PYHIN1: variants seen among roughly 807,000 people sequenced by gnomAD.
PYHIN1 encodes the protein pyrin and HIN domain-containing protein 1.
Under a neutral mutation model 43.7 loss-of-function variants are expected in PYHIN1, and 32 were observed. That is an observed-to-expected ratio of 0.73 (90% CI 0.55 to 0.98). PYHIN1 has a LOEUF of 0.98. Ranked by LOEUF, PYHIN1 falls within the 50% of genes least tolerant of loss-of-function variation. The pLI is 0.00. For synonymous variants in PYHIN1, 205 were observed against 203.1 expected, an observed-to-expected ratio of 1.01 and a Z score of -0.08; for missense variants, 588 against 589.5, an observed-to-expected ratio of 1.00 and a Z score of 0.03.
At chr1:158,990,470 ATC>A in the PYHIN1 span, among the ~76,000 whole-genome samples, 1 of 152,078 alleles carries the variant, frequency 6.6e-6, no homozygotes, top group Non-Finnish European at 1.5e-5. Context: ...AGGTGGTTAA[ATC>A]TCTCTGATTA....
At chr1:158,971,429 T>C (rs1633292) in intron 7 of PYHIN1, among the ~76,000 whole-genome samples, 48,691 of 151,452 alleles carry the variant, frequency 0.32, 8,208 homozygotes, top group South Asian at 0.49. Context: ...TAACAAGATA[T>C]ATATATATAT....
chr1:158,945,221 A>G (rs1433466026), intron 7 of PYHIN1, 179 bp downstream of exon 7: 10 of 550,522 alleles, frequency 1.8e-5, no homozygotes, highest in African/African-American at 5.8e-5. Context: ...AGTCTTTGCT[A>G]TCTAAAAGAT....
At chr1:158,959,009 C>A (rs896054945) in intron 7 of PYHIN1, among the ~76,000 whole-genome samples, 3 of 151,784 alleles carry the variant, frequency 2.0e-5, no homozygotes, top group Middle Eastern at 3.4e-3. Flanking sequence ...CTGGTCTGAA[C>A]AATCCCCACC....
intron 7 of PYHIN1, among the ~76,000 whole-genome samples, chr1:158,965,792 A>T (rs1650597264): frequency 6.6e-6 from 1 of 152,180 alleles, no homozygotes; most frequent in African/African-American, 2.4e-5. Flanking sequence ...AATTTAAAAG[A>T]TCTCAAATTA....
chr1:158,942,672 T>G (rs1648991254), intron 5 of PYHIN1, among the ~76,000 whole-genome samples: 1 of 152,216 alleles, frequency 6.6e-6, no homozygotes, highest in Non-Finnish European at 1.5e-5. Flanking sequence ...CTATCTATTA[T>G]GAGTCATAAC....
At position 158,936,935 on chromosome 1, in the gene PYHIN1, G is replaced by T; in HGVS notation, c.25G>T (p.Val9Phe). The T allele has an allele frequency of 6.3e-7, 1 of 1,586,722 alleles. No homozygotes were observed. Among genetic ancestry groups the T allele is most frequent in the Non-Finnish European group, 8.5e-7 (1 of 1,169,624 alleles). ...GATGGCAAATAACTACAAGAAAATT[G>T]TTCTACTGAAAGGATTAGAGGTCAT... MANNYKKI[V>F]LLKGLEVIND... The change falls in exon 2 of 9, where the codon GTT becomes TTT. Residue 9 changes from valine (V) to phenylalanine (F), a missense_variant. Transcript: ENST00000368140.
intron 7 of PYHIN1, among the ~76,000 whole-genome samples, chr1:158,959,647 T>C (rs1209348810): frequency 6.6e-6 from 1 of 152,198 alleles, no homozygotes; most frequent in African/African-American, 2.4e-5. Context: ...TTACCACAGG[T>C]ACCCACGTTT....
chr1:158,950,025 T>G (rs2101676899), intron 7 of PYHIN1, among the ~76,000 whole-genome samples: 1 of 152,280 alleles, frequency 6.6e-6, no homozygotes, highest in South Asian at 2.1e-4. Context: ...ATCTGGCACC[T>G]TAGTCCAATG....
chr1:158,951,259 C>T (rs1042660659), intron 7 of PYHIN1, among the ~76,000 whole-genome samples: 3 of 152,132 alleles, frequency 2.0e-5, no homozygotes, highest in Admixed American at 6.5e-5. Context: ...ACCTGAATGT[C>T]TGCTTGTTCA....
chr1:158,934,452 G>A (rs1648382929), intron 1 of PYHIN1, among the ~76,000 whole-genome samples: 1 of 152,000 alleles, frequency 6.6e-6, no homozygotes, highest in African/African-American at 2.4e-5. Context: ...TAGATTTGTT[G>A]TTGAGAATCA....
intron 5 of PYHIN1, 55 bp from the exon 6 acceptor site, chr1:158,943,735 A>G (rs856082): frequency 0.98 from 1,318,501 of 1,339,138 alleles, 651,066 homozygotes; most frequent in East Asian, 1. Flanking sequence ...AGACTTTCCT[A>G]TATGCACGGT....
chr1:158,949,896 G>A (rs915342933), intron 7 of PYHIN1, among the ~76,000 whole-genome samples: 1 of 152,232 alleles, frequency 6.6e-6, no homozygotes, highest in African/African-American at 2.4e-5. Context: ...AGCTAAGACT[G>A]TTAAGGCATT....
At chr1:158,947,602 A>G (rs856087) in intron 7 of PYHIN1, among the ~76,000 whole-genome samples, 141,568 of 152,290 alleles carry the variant, frequency 0.93, 66,630 homozygotes, top group East Asian at 1. Flanking sequence ...GATGAATAAC[A>G]TACACTGACA....
At chr1:158,953,663 GA>G (rs1342786826) in intron 7 of PYHIN1, among the ~76,000 whole-genome samples, 7 of 152,166 alleles carry the variant, frequency 4.6e-5, no homozygotes, top group African/African-American at 1.7e-4. Context: ...AAACAGAACA[GA>G]AAAACTGGAA....
intron 7 of PYHIN1, among the ~76,000 whole-genome samples, chr1:158,953,133 G>A (rs1287344817): frequency 6.6e-6 from 1 of 152,172 alleles, no homozygotes; most frequent in African/African-American, 2.4e-5. Flanking sequence ...TGCTAGCACA[G>A]CAGTCTGAGA....
chr1:158,965,403 G>A (rs186013425), intron 7 of PYHIN1, among the ~76,000 whole-genome samples: 6 of 152,206 alleles, frequency 3.9e-5, no homozygotes, highest in Non-Finnish European at 8.8e-5. Flanking sequence ...GGACCTAATG[G>A]ACATTTATGG....
chr1:158,954,593 T>C (rs1206079761), intron 7 of PYHIN1, among the ~76,000 whole-genome samples: 3 of 151,248 alleles, frequency 2.0e-5, no homozygotes, highest in African/African-American at 4.9e-5. Context: ...AAAGAGCTCC[T>C]GAAGGAAGTG....
chr1:158,945,940 A>G (rs1649197866), intron 7 of PYHIN1, among the ~76,000 whole-genome samples: 1 of 152,196 alleles, frequency 6.6e-6, no homozygotes, highest in Admixed American at 6.5e-5. Flanking sequence ...AAACATAAAA[A>G]AAAAGTCTTC....
At chr1:158,937,629 G>C (rs1648636900) in intron 2 of PYHIN1, among the ~76,000 whole-genome samples, 1 of 152,116 alleles carries the variant, frequency 6.6e-6, no homozygotes, top group African/African-American at 2.4e-5. Flanking sequence ...CTCCCCTCTT[G>C]TCATGTTATT....
Sources: allele counts gnomAD v4.1 joint callset (sites outside exome capture counted in the v4.1 genomes callset), GRCh38; gene constraint gnomAD v4.1.1; transcripts MANE v1.5; gene names NCBI Gene and HGNC (gene_info 2026-07-23, HGNC 2026-07-21).